SRGAP2: variants seen among roughly 807,000 people sequenced by gnomAD.
The protein encoded by SRGAP2 is SLIT-ROBO Rho GTPase activating protein 2.
Under a neutral mutation model 57.2 loss-of-function variants are expected in SRGAP2, and 15 were observed. The observed-to-expected ratio is 0.26, with a 90% CI of 0.18 to 0.40. The LOEUF is 0.40. Among genes scored for constraint, SRGAP2 ranks in the 10% least tolerant of loss-of-function variants. The probability of loss-of-function intolerance (pLI) is 1.00; values close to 1 mark genes in which losing one functional copy is unlikely to be tolerated. For missense variants in SRGAP2, 520 were observed against 669.6 expected, an observed-to-expected ratio of 0.78 and a Z score of 2.47; for synonymous variants, 249 against 248.0, an observed-to-expected ratio of 1.00 and a Z score of -0.04.
rs529173682 is a variant in SRGAP2, at chr1:206,322,389, C to T, written c.260+18916C>T. Among the ~76,000 whole-genome samples, 1,338 of 148,102 alleles carry T rather than the reference C, an allele frequency of 9.0e-3. 17 individuals carry two copies. Among genetic ancestry groups the T allele is most frequent in the Non-Finnish European group, 9.6e-3 (645 of 66,894 alleles). ...GAGATCAAGACCATCCTGGCTAACA[C>T]GGTGAAACCCTGTCTCTACTAAAAA... On this transcript the variant is annotated intron_variant, in intron 3 of 22. Transcript: ENST00000573034.
Position 206,464,317 on chromosome 1 carries a change from G to A in SRGAP2, c.*2897G>A, listed in dbSNP as rs1664439026. The stretch of plus-strand genomic sequence containing the variant: ...ATTCTTTAAAATAGTGTTGATAACT[G>A]GAATATTGTATGTATGCTTGGAGAT... On this transcript the variant is annotated 3_prime_UTR_variant, in exon 23 of 23. Coordinates refer to ENST00000573034, the MANE Select transcript of SRGAP2 (RefSeq NM_015326.5). 1 of 152,640 alleles carries A rather than the reference G, an allele frequency of 6.6e-6. No homozygotes were observed. Among genetic ancestry groups the A allele is most frequent in the Non-Finnish European group, 1.5e-5 (1 of 68,040 alleles). The allele number at this position is 152,640 out of a possible 1,614,324, so 9.5% of individuals were successfully genotyped here. A position where few individuals can be genotyped will look rare whatever the true frequency, so the allele number is the denominator to read the frequency against.
At chr1:206,365,957 T>A (rs1243060142) in intron 4 of SRGAP2, among the ~76,000 whole-genome samples, 1 of 151,986 alleles carries the variant, frequency 6.6e-6, no homozygotes, top group Non-Finnish European at 1.5e-5. Context: ...AGGACAGGCA[T>A]AGTTGTGACA....
intron 11 of SRGAP2, among the ~76,000 whole-genome samples, chr1:206,417,921 G>C (rs1185209002): frequency 6.6e-6 from 1 of 151,666 alleles, no homozygotes. Context: ...TAGTCCATAA[G>C]TAAGACAGAG....
chr1:206,452,631 G>A (rs913116892), intron 19 of SRGAP2, among the ~76,000 whole-genome samples: 1 of 152,196 alleles, frequency 6.6e-6, no homozygotes, highest in African/African-American at 2.4e-5. Context: ...GCTCACGCCT[G>A]TAATCCCAGC....
intron 2 of SRGAP2, among the ~76,000 whole-genome samples, chr1:206,272,649 T>A (rs1161269938): frequency 2.0e-5 from 3 of 152,200 alleles, no homozygotes. Context: ...TGAGCTCAGC[T>A]CCTCCACTCA....
chr1:206,394,046 T>TTTC (rs1657313158), intron 7 of SRGAP2, among the ~76,000 whole-genome samples: 1 of 87,954 alleles, frequency 1.1e-5, no homozygotes, highest in East Asian at 4.0e-4. Flanking sequence ...TCCTTTTTTT[T>TTTC]TTTTTTTTTT....
intron 11 of SRGAP2, 139 bp from the exon 12 acceptor site, chr1:206,419,234 T>A: frequency 1.5e-6 from 1 of 656,296 alleles, no homozygotes; most frequent in Non-Finnish European, 2.8e-6. Flanking sequence ...TGTCTCTCTC[T>A]CTCTCTCCTC....
Position 206,452,579 on chromosome 1 carries a change from A to G in SRGAP2, c.2180-621A>G, listed in dbSNP as rs1397318562. The stretch of plus-strand genomic sequence containing the variant: ...GGCATGAAGATCTTTGGAAACACCA[A>G]AGAAGTTACTGTAGAAAGCAGGGGA... On this transcript the variant is annotated intron_variant, in intron 19 of 22. Transcript: ENST00000573034. Among the ~76,000 whole-genome samples, 4 of 152,350 alleles carry G rather than the reference A, an allele frequency of 2.6e-5. No homozygotes were observed. In the East Asian group the frequency reaches 7.7e-4, roughly 29 times the overall value.
chr1:206,441,469 G>T (rs958140355), intron 17 of SRGAP2, among the ~76,000 whole-genome samples: 4 of 152,126 alleles, frequency 2.6e-5, no homozygotes, highest in Non-Finnish European at 5.9e-5. Context: ...GACAGGAAAG[G>T]CACCAAGCAA....
intron 2 of SRGAP2, 100 bp from the exon 3 acceptor site, chr1:206,303,181 G>T: frequency 1.8e-6 from 1 of 567,152 alleles, no homozygotes; most frequent in South Asian, 2.7e-5. Context: ...AATTTCCCAG[G>T]GCACGGGGAA....
chr1:206,347,330 C>T (rs1314815134), intron 4 of SRGAP2, among the ~76,000 whole-genome samples: 7 of 151,932 alleles, frequency 4.6e-5, no homozygotes, highest in Non-Finnish European at 1.0e-4. Context: ...GTAATCGCAG[C>T]GCTTTGGGAG....
At chr1:206,361,350 C>T (rs1461650269) in intron 4 of SRGAP2, among the ~76,000 whole-genome samples, 1 of 151,678 alleles carries the variant, frequency 6.6e-6, no homozygotes, top group Non-Finnish European at 1.5e-5. Flanking sequence ...AAATTTACTT[C>T]CAACTCCTGC....
chr1:206,237,867 G>A lies in SRGAP2; in HGVS notation c.67+31830G>A, dbSNP rs1181729645. ...CAAGTCAGTTAAGAAAGTATCACCCGTATGTTTCTCTCCTTTTTGCCTCTA... is the reference window on the plus strand; with the variant it reads ...CAAGTCAGTTAAGAAAGTATCACCCATATGTTTCTCTCCTTTTTGCCTCTA... On this transcript the variant is annotated intron_variant, in intron 2 of 22. Coordinates refer to ENST00000573034, the MANE Select transcript of SRGAP2 (RefSeq NM_015326.5). Among the ~76,000 whole-genome samples, 466 of 111,256 alleles carry A rather than the reference G, an allele frequency of 4.2e-3. 1 individual carries two copies. Among genetic ancestry groups the A allele is most frequent in the Non-Finnish European group, 5.7e-3 (314 of 54,906 alleles). The allele number at this position is 111,256 out of a possible 152,430, so 73.0% of individuals were successfully genotyped here.
chr1:206,247,315 G>A (rs1473870546), intron 2 of SRGAP2, among the ~76,000 whole-genome samples: 10 of 151,568 alleles, frequency 6.6e-5, no homozygotes, highest in African/African-American at 2.4e-4. Context: ...CTTGAATATA[G>A]TAATTATATA....
intron 13 of SRGAP2, among the ~76,000 whole-genome samples, chr1:206,422,793 G>A (rs1660431264): frequency 6.6e-6 from 1 of 152,218 alleles, no homozygotes; most frequent in Non-Finnish European, 1.5e-5. Context: ...AGCAGTTGCA[G>A]GCAAAGTGTG....
Position 206,461,302 on chromosome 1 carries a change from C to T in SRGAP2, c.3098C>T (p.Pro1033Leu), listed in dbSNP as rs529279119. The change falls in exon 23 of 23, where the codon CCG (proline) becomes CTG (leucine). Residue 1033 changes from proline (P) to leucine (L), a missense_variant. Physicochemically the swap from Pro to Leu is moderately conservative, Grantham distance 98. This residue lies in a region of SRGAP2 where 478 missense variants were observed against 373.6 expected (regional missense o/e 1.28). Coordinates refer to ENST00000573034, the MANE Select transcript of SRGAP2 (RefSeq NM_015326.5). Reference protein sequence around the residue: ...RPVKSVKMAAPVKPPATRPKP... With the variant: ...RPVKSVKMAALVKPPATRPKP... ...GTCAAGTCTGTCAAGATGGCTGCCCCGGTCAAACCACCAGCCACACGGCCC... is the reference window on the plus strand; with the variant it reads ...GTCAAGTCTGTCAAGATGGCTGCCCTGGTCAAACCACCAGCCACACGGCCC... The T allele has an allele frequency of 3.5e-5, 27 of 780,946 alleles. No homozygotes were observed. Among genetic ancestry groups the T allele is most frequent in the African/African-American group, 1.0e-4 (6 of 59,270 alleles). 48.4% of individuals were successfully genotyped at this position (780,946 alleles called of 1,614,324 possible).
chr1:206,427,152 G>A (rs781853988), intron 13 of SRGAP2, among the ~76,000 whole-genome samples: 13 of 152,132 alleles, frequency 8.5e-5, no homozygotes, highest in East Asian at 1.9e-4. Context: ...TATATGGTGA[G>A]AGATAGGATC....
chr1:206,224,437 G>A lies in SRGAP2; in HGVS notation c.67+18400G>A, dbSNP rs566583940. Reference sequence around the variant, plus strand: ...GTAGTTAAAAAAAAAATAACCCACAGCAATACAAGAAATGACATCAGCCAG... The same window carrying A: ...GTAGTTAAAAAAAAAATAACCCACAACAATACAAGAAATGACATCAGCCAG... On this transcript the variant is annotated intron_variant, in intron 2 of 22. Coordinates refer to ENST00000573034, the MANE Select transcript of SRGAP2 (RefSeq NM_015326.5). 2.9e-4 allele frequency among the ~76,000 whole-genome samples: 41 copies of A among 143,692 alleles called. 1 individual carries two copies. The highest frequency in any genetic ancestry group is 2.0e-4 in the Admixed American group (3 of 14,826). The allele number at this position is 143,692 out of a possible 152,430, so 94.3% of individuals were successfully genotyped here.
intron 18 of SRGAP2, among the ~76,000 whole-genome samples, chr1:206,449,292 T>TTG (rs1558445948): frequency 6.8e-6 from 1 of 147,554 alleles, no homozygotes; most frequent in African/African-American, 2.5e-5. Context: ...GATGATTTTT[T>TTG]TTTTTTTTTT....
Sources: allele counts gnomAD v4.1 joint callset (sites outside exome capture counted in the v4.1 genomes callset), GRCh38; gene constraint gnomAD v4.1.1; regional missense constraint gnomAD v4.1.1; transcripts MANE v1.5; gene names NCBI Gene and HGNC (gene_info 2026-07-23, HGNC 2026-07-21).